The following IQCH variants were observed in gnomAD, a reference collection of about 807,000 sequenced individuals.
IQCH encodes the protein IQ domain-containing protein H.
In IQCH, 98 loss-of-function variants were observed where a neutral mutation model predicts 117.0. That is an observed-to-expected ratio of 0.84 (90% CI 0.71 to 0.99). The LOEUF (loss-of-function observed/expected upper bound fraction) is 0.99, where lower values mean the gene tolerates loss of function less well. IQCH is among the 50% of genes least tolerant of loss of function. The pLI is 0.00. For missense variants in IQCH, 1,102 were observed against 1,243.8 expected, an observed-to-expected ratio of 0.89 and a Z score of 1.72; for synonymous variants, 412 against 448.2, an observed-to-expected ratio of 0.92 and a Z score of 1.02.
intron 8 of IQCH, among the ~76,000 whole-genome samples, chr15:67,368,478 C>G (rs770211719): frequency 6.6e-6 from 1 of 152,188 alleles, no homozygotes; most frequent in African/African-American, 2.4e-5. Flanking sequence ...AATAAGGACT[C>G]CATCTCTGAG....
At chr15:67,492,980 C>T (rs754753914) in intron 19 of IQCH, among the ~76,000 whole-genome samples, 1 of 152,164 alleles carries the variant, frequency 6.6e-6, no homozygotes, top group Non-Finnish European at 1.5e-5. Flanking sequence ...GCCCAGCTGT[C>T]CCTACACCTG....
chr15:67,304,541 TAAGTA>T, intron 4 of IQCH: 1 of 593,816 alleles, frequency 1.7e-6, no homozygotes, highest in Non-Finnish European at 2.7e-6. Flanking sequence ...ATGTAGATGT[TAAGTA>T]AAGATTGTGA....
intron 4 of IQCH, chr15:67,306,717 T>C (rs1432473225): frequency 1.0e-5 from 8 of 781,810 alleles, no homozygotes; most frequent in Middle Eastern, 2.2e-4. Context: ...GACTCTGTTA[T>C]GTAAAATCAA....
intron 6 of IQCH, 82 bp from the exon 7 acceptor site, chr15:67,357,263 C>G: frequency 3.3e-6 from 3 of 900,370 alleles, no homozygotes; most frequent in East Asian, 2.4e-5. Context: ...ATTTGACTTT[C>G]AAGGTGCAAA....
chr15:67,273,991 T>A (rs1319177147), intron 3 of IQCH, among the ~76,000 whole-genome samples: 4 of 152,236 alleles, frequency 2.6e-5, no homozygotes, highest in Non-Finnish European at 5.9e-5. Flanking sequence ...TGTTTTCACA[T>A]TCTCTCTTGG....
At chr15:67,268,962 AC>A (rs1965788529) in intron 3 of IQCH, among the ~76,000 whole-genome samples, 1 of 152,162 alleles carries the variant, frequency 6.6e-6, no homozygotes, top group Non-Finnish European at 1.5e-5. Context: ...AACTGGAAAA[AC>A]ATTTGCAACA....
intron 14 of IQCH, among the ~76,000 whole-genome samples, chr15:67,412,255 C>T (rs1467447969): frequency 6.6e-6 from 1 of 152,152 alleles, no homozygotes. Context: ...TTCCACACTT[C>T]CCAAGTCATT....
Position 67,369,192 on chromosome 15 carries a change from A to G in IQCH, c.754-2919A>G, listed in dbSNP as rs1970435663. Among the ~76,000 whole-genome samples the G allele has an allele frequency of 6.6e-6, 1 of 152,080 alleles. No homozygotes were observed. The highest frequency in any genetic ancestry group is 1.5e-5 in the Non-Finnish European group (1 of 68,034). ...TTTTGCCTAAATAACTGCTCCAGAA[A>G]CTCTCAAAGTTATCTAATTAGCGAT... On this transcript the variant is annotated intron_variant, in intron 8 of 20. Transcript: ENST00000335894. The surrounding 1 kb of genome is among the most constrained non-coding windows in gnomAD (Gnocchi z 5.2).
At position 67,294,565 on chromosome 15, in the gene IQCH, C is replaced by T. The variant is rs901910155; in HGVS notation, c.387+15053C>T. Among the ~76,000 whole-genome samples the T allele has an allele frequency of 3.9e-5, 6 of 152,166 alleles. 1 individual carries two copies. Among genetic ancestry groups the T allele is most frequent in the Non-Finnish European group, 8.8e-5 (6 of 68,030 alleles). ...TGTTCCTTTGCCCCTATTTCCCTTT[C>T]TCCTTTCTTCCTCCCTTAAACACAG... On this transcript the variant is annotated intron_variant, in intron 4 of 20. Transcript: ENST00000335894.
rs531950695 is a variant in IQCH, at chr15:67,449,907, G to A, written c.2506-15220G>A. 3.5e-3 allele frequency among the ~76,000 whole-genome samples: 530 copies of A among 152,126 alleles called. 8 individuals are homozygous for A. The highest frequency in any genetic ancestry group is 0.012 in the African/African-American group (504 of 41,486). ...GTATCCTCTTTTATTTCATTGAACA[G>A]TGGTTTGTAGTTCTCCTTGAAGAGG... On this transcript the variant is annotated intron_variant, in intron 16 of 20. Coordinates refer to ENST00000335894, the MANE Select transcript of IQCH (RefSeq NM_001031715.3).
chr15:67,473,756 A>G lies in IQCH; in HGVS notation c.2677-1940A>G, dbSNP rs2083129315. Reference sequence around the variant, plus strand: ...GGGCAGATGACCAAGGGAACAACTCATGATAGGTCAGGGTGACAGAGTACA... The same window carrying G: ...GGGCAGATGACCAAGGGAACAACTCGTGATAGGTCAGGGTGACAGAGTACA... On this transcript the variant is annotated intron_variant, in intron 17 of 20. Coordinates refer to ENST00000335894, the MANE Select transcript of IQCH (RefSeq NM_001031715.3). This position sits in a 1 kb window ranked among gnomAD's most constrained non-coding sequence, Gnocchi z 4.9. Among the ~76,000 whole-genome samples the G allele has an allele frequency of 6.6e-6, 1 of 152,238 alleles. No individual in the cohort carries two copies. The highest frequency in any genetic ancestry group is 1.9e-4 in the East Asian group (1 of 5,192).
At position 67,344,218 on chromosome 15, in the gene IQCH, G is replaced by T. The variant is rs184694281; in HGVS notation, c.637+27G>T. On this transcript the variant is annotated intron_variant, in intron 6 of 20. Coordinates refer to ENST00000335894, the MANE Select transcript of IQCH (RefSeq NM_001031715.3). ...TAAGATACTCATGCATCTCAGTTCA[G>T]TTGGGGACACACAGAAATTATCTCT... 1,891 of 1,606,356 alleles carry T rather than the reference G, an allele frequency of 1.2e-3. 7 individuals are homozygous for T. In the Middle Eastern group the frequency reaches 0.012, roughly 10 times the overall value.
chr15:67,295,563 T>C (rs1221577830), intron 4 of IQCH, among the ~76,000 whole-genome samples: 1 of 152,068 alleles, frequency 6.6e-6, no homozygotes, highest in East Asian at 1.9e-4. Context: ...GATAGAAGAG[T>C]ACTGAGCTAG....
rs1302814360 is a variant in IQCH, at chr15:67,427,775, ACAT to A, written c.2505+6202_2505+6204del. ...AGATTTAAATACACATATATTAATC[ACAT>A]CATTATTAAGAATAGCAAAATATTT... On this transcript the variant is annotated intron_variant, in intron 16 of 20. Transcript: ENST00000335894. The surrounding 1 kb of genome is among the most constrained non-coding windows in gnomAD (Gnocchi z 4.7). 1.3e-5 allele frequency among the ~76,000 whole-genome samples: 2 copies of A among 152,202 alleles called. No homozygotes were observed. Among genetic ancestry groups the A allele is most frequent in the East Asian group, 1.9e-4 (1 of 5,202 alleles).
intron 4 of IQCH, among the ~76,000 whole-genome samples, chr15:67,314,484 G>GAAAAAA (rs11343033): frequency 1.5e-5 from 2 of 136,234 alleles, no homozygotes; most frequent in Non-Finnish European, 3.1e-5. Context: ...TGTGCTAAAT[G>GAAAAAA]AAAAAAAAAA....
Position 67,458,786 on chromosome 15 carries a change from T to C in IQCH, c.2506-6341T>C, listed in dbSNP as rs556027294. On this transcript the variant is annotated intron_variant, in intron 16 of 20. Transcript: ENST00000335894. This position sits in a 1 kb window ranked among gnomAD's most constrained non-coding sequence, Gnocchi z 4.1. ...TCTGTCGAACTGGGGCTGTGAATGCTGTGAACATGGGCAGAGAGGTGACTC... is the reference window on the plus strand; with the variant it reads ...TCTGTCGAACTGGGGCTGTGAATGCCGTGAACATGGGCAGAGAGGTGACTC... Among the ~76,000 whole-genome samples, 3 of 152,302 alleles carry C rather than the reference T, an allele frequency of 2.0e-5. No homozygotes were observed. In the East Asian group the frequency reaches 5.8e-4, roughly 29 times the overall value.
intron 4 of IQCH, among the ~76,000 whole-genome samples, chr15:67,322,982 A>G (rs1173670950): frequency 6.6e-6 from 1 of 152,230 alleles, no homozygotes; most frequent in East Asian, 1.9e-4. Context: ...TATGTAAAAT[A>G]GGTGAACAGT....
At chr15:67,344,752 T>A (rs139368202) in intron 6 of IQCH, among the ~76,000 whole-genome samples, 51 of 152,364 alleles carry the variant, frequency 3.3e-4, no homozygotes, top group Non-Finnish European at 6.2e-4. Flanking sequence ...TAAACTGTAA[T>A]ACTAGAATTT....
chr15:67,267,387 G>A (rs1348345147), intron 3 of IQCH, among the ~76,000 whole-genome samples: 3 of 152,148 alleles, frequency 2.0e-5, no homozygotes, highest in Non-Finnish European at 4.4e-5. Flanking sequence ...AACATTCTTG[G>A]TATTTCTAAT....
Sources: allele counts gnomAD v4.1 joint callset (sites outside exome capture counted in the v4.1 genomes callset), GRCh38; gene constraint gnomAD v4.1.1; non-coding constraint Gnocchi (gnomAD v3.1); transcripts MANE v1.5; gene names NCBI Gene and HGNC (gene_info 2026-07-23, HGNC 2026-07-21).